Variants in MYT1L observed in about 807,000 individuals in gnomAD.
The protein encoded by MYT1L is myelin transcription factor 1-like protein.
Under a neutral mutation model 126.7 loss-of-function variants are expected in MYT1L, and 12 were observed. That is an observed-to-expected ratio of 0.09 (90% CI 0.06 to 0.15). MYT1L has a LOEUF of 0.15. MYT1L is among the 10% of genes least tolerant of loss of function. The pLI is 1.00. For synonymous variants in MYT1L, 541 were observed against 604.2 expected (o/e 0.90, Z 1.53); for missense variants, 979 against 1,585.2 (o/e 0.62, Z 6.49).
In MYT1L at chr2:1,789,224, A is replaced by G. The variant is rs1030811967; in HGVS notation, c.*2643T>C. 6.6e-6 allele frequency: 1 copy of G among 152,252 alleles called. No homozygotes were observed. The highest frequency in any genetic ancestry group is 2.4e-5 in the African/African-American group (1 of 41,470). The allele number at this position is 152,252 out of a possible 1,614,324, so 9.4% of individuals were successfully genotyped here. A position where few individuals can be genotyped will look rare whatever the true frequency, so the allele number is the denominator to read the frequency against. ...AAAGTTCACAATTTAAAAATGAAGT[A>G]TCACAGCAACTTGTGATTCCACACA... On this transcript the variant is annotated 3_prime_UTR_variant, in exon 25 of 25. Coordinates refer to ENST00000647738, the MANE Select transcript of MYT1L (RefSeq NM_001303052.2).
chr2:1,922,246 A>T lies in MYT1L; in HGVS notation c.1483+40T>A, dbSNP rs1469995548. On this transcript the variant is annotated intron_variant, in intron 10 of 24. Transcript: ENST00000647738. This position sits in a 1 kb window ranked among gnomAD's most constrained non-coding sequence, Gnocchi z 7.4. ...CCACCAACATCCTTTACCCTAGCTC[A>T]TGTTTTCATGAGGCAACTTACGTTA... The T allele has an allele frequency of 6.3e-7, 1 of 1,596,582 alleles. No individual in the cohort carries two copies. The highest frequency in any genetic ancestry group is 8.5e-7 in the Non-Finnish European group (1 of 1,169,954).
chr2:1,955,639 T>C (rs747696413), intron 8 of MYT1L, among the ~76,000 whole-genome samples: 2 of 152,236 alleles, frequency 1.3e-5, no homozygotes, highest in Non-Finnish European at 2.9e-5. Flanking sequence ...GACTTGGTTA[T>C]TATAAAGAGG....
At chr2:2,080,169 G>A (rs531291657) in intron 3 of MYT1L, among the ~76,000 whole-genome samples, 6 of 152,214 alleles carry the variant, frequency 3.9e-5, no homozygotes, top group South Asian at 2.1e-4. Context: ...AAACATGGAC[G>A]CAAAATGTAT....
intron 3 of MYT1L, among the ~76,000 whole-genome samples, chr2:2,123,842 A>G (rs1011281460): frequency 1.3e-5 from 2 of 152,172 alleles, no homozygotes; most frequent in African/African-American, 4.8e-5. Flanking sequence ...GGAAGGCAAG[A>G]GGGTCAGAGA....
In MYT1L at chr2:2,175,044, T is replaced by C. The variant is rs187587460; in HGVS notation, c.-420-2056A>G. On this transcript the variant is annotated intron_variant, in intron 2 of 24. Transcript: ENST00000647738. ...CTTGTGAGGCTCACTCAGACCTCCT[T>C]TCTATGTGTGTTGTATGTTGAGTGT... Among the ~76,000 whole-genome samples, 166 of 152,172 alleles carry C rather than the reference T, an allele frequency of 1.1e-3. 1 individual carries two copies. The highest frequency in any genetic ancestry group is 1.8e-3 in the Non-Finnish European group (123 of 68,032).
chr2:2,235,834 T>A (rs2094283653), intron 2 of MYT1L, among the ~76,000 whole-genome samples: 1 of 152,174 alleles, frequency 6.6e-6, no homozygotes, highest in African/African-American at 2.4e-5. Flanking sequence ...ACTCTTCATT[T>A]CTAATTAAAA....
rs369740502 is a variant in MYT1L, at chr2:1,943,091, C to A, written c.396G>T (p.Glu132Asp). ...EEDEEGDREE[E>D]EEIEEEDEDD... is the part of the protein sequence containing the mutation. ...CCTCATCCTCCTCCTCGATCTCCTC[C>A]TCCTCCTCCCGGTCCCCCTCCTCGT... The change falls in exon 9 of 25, where the codon GAG becomes GAT. Residue 132 changes from glutamate (E) to aspartate (D), a missense_variant. Coordinates refer to ENST00000647738, the MANE Select transcript of MYT1L (RefSeq NM_001303052.2). This position sits in a 1 kb window ranked among gnomAD's most constrained non-coding sequence, Gnocchi z 4.4. 10 of 1,463,202 alleles carry A rather than the reference C, an allele frequency of 6.8e-6. No individual in the cohort carries two copies. In the Admixed American group the frequency reaches 2.0e-4, roughly 29 times the overall value. The allele number at this position is 1,463,202 out of a possible 1,614,324, so 90.6% of individuals were successfully genotyped here.
chr2:1,792,444 G>T lies in MYT1L; in HGVS notation c.3297C>A (p.Asn1099Lys). The part of the protein sequence containing the change: ...LRTQITTMES[N>K]LKTIEEENKV... ...TGTTCTCCTCTTCGATGGTCTTCAG[G>T]TTGCTCTCCATCGTGGTAATCTGAA... The change falls in exon 24 of 25, where the codon AAC (asparagine) becomes AAA (lysine). Residue 1099 changes from asparagine to lysine, a missense_variant. Transcript: ENST00000647738. 1 of 1,613,660 alleles carries T rather than the reference G, an allele frequency of 6.2e-7. No homozygotes were observed. The highest frequency in any genetic ancestry group is 8.5e-7 in the Non-Finnish European group (1 of 1,179,714).
chr2:1,938,936 G>C (rs1209211806), intron 9 of MYT1L, among the ~76,000 whole-genome samples: 2 of 152,186 alleles, frequency 1.3e-5, no homozygotes, highest in Non-Finnish European at 2.9e-5. Context: ...CTGGGGGTTT[G>C]TATACATTTG....
intron 3 of MYT1L, among the ~76,000 whole-genome samples, chr2:2,166,812 T>C (rs183185974): frequency 1.3e-5 from 2 of 152,328 alleles, no homozygotes; most frequent in African/African-American, 4.8e-5. Context: ...ATTTTTTTAG[T>C]TTGTCTATCC....
chr2:2,126,641 G>A (rs1203174224), intron 3 of MYT1L, among the ~76,000 whole-genome samples: 2 of 152,206 alleles, frequency 1.3e-5, no homozygotes, highest in African/African-American at 2.4e-5. Flanking sequence ...GAAGTCTGCT[G>A]CAGGACTCTC....
At chr2:1,877,584 T>G (rs2047067450) in intron 18 of MYT1L, among the ~76,000 whole-genome samples, 1 of 152,134 alleles carries the variant, frequency 6.6e-6, no homozygotes, top group Non-Finnish European at 1.5e-5. Flanking sequence ...TAAGAGTGCA[T>G]GATGAACGCC....
intron 8 of MYT1L, among the ~76,000 whole-genome samples, chr2:1,951,393 G>T (rs1462833717): frequency 6.6e-6 from 1 of 152,068 alleles, no homozygotes; most frequent in African/African-American, 2.4e-5. Flanking sequence ...GGGAGCATGA[G>T]GCTGGCCCAG....
rs2241685 is a variant in MYT1L, at chr2:1,922,221, C to T, written c.1483+65G>A. ...TGAGTCACACTTTAACTGTAGACTA[C>T]CACCAACATCCTTTACCCTAGCTCA... On this transcript the variant is annotated intron_variant, in intron 10 of 24. Transcript: ENST00000647738. The surrounding 1 kb of genome is among the most constrained non-coding windows in gnomAD (Gnocchi z 7.4). The T allele has an allele frequency of 0.11, 170,283 of 1,563,390 alleles. 10,820 individuals are homozygous for T. The highest frequency in any genetic ancestry group is 0.31 in the East Asian group (13,948 of 44,334).
chr2:1,928,201 T>C (rs2054485407), intron 9 of MYT1L, among the ~76,000 whole-genome samples: 1 of 152,180 alleles, frequency 6.6e-6, no homozygotes, highest in Non-Finnish European at 1.5e-5. Context: ...CGGCCTCCCA[T>C]AGTGCTGGAA....
At chr2:2,190,238 C>G (rs997281836) in intron 2 of MYT1L, among the ~76,000 whole-genome samples, 1 of 152,212 alleles carries the variant, frequency 6.6e-6, no homozygotes, top group Non-Finnish European at 1.5e-5. Context: ...AGGCAGATCA[C>G]TTGAGCTCAG....
Position 1,979,025 on chromosome 2 carries a change from G to A in MYT1L, c.152+140C>T. The A allele has an allele frequency of 1.5e-6, 1 of 685,010 alleles. No individual in the cohort carries two copies. Among genetic ancestry groups the A allele is most frequent in the Admixed American group, 2.6e-5 (1 of 38,122 alleles). 42.4% of individuals were successfully genotyped at this position (685,010 alleles called of 1,614,324 possible). On this transcript the variant is annotated intron_variant, in intron 8 of 24. Coordinates refer to ENST00000647738, the MANE Select transcript of MYT1L (RefSeq NM_001303052.2). The surrounding 1 kb of genome is among the most constrained non-coding windows in gnomAD (Gnocchi z 4.0). ...AACCCTTTCAAGAGACAAAGACTGA[G>A]TTCCAGTGTGAGAAGAAAAAGAAGG...
intron 21 of MYT1L, among the ~76,000 whole-genome samples, chr2:1,814,709 C>G (rs1268582375): frequency 6.6e-6 from 1 of 152,142 alleles, no homozygotes. Context: ...CAGTTAAGTT[C>G]TTTAGGGCAG....
intron 10 of MYT1L, among the ~76,000 whole-genome samples, chr2:1,920,308 CAACAA>C (rs2053409885): frequency 6.6e-6 from 1 of 152,116 alleles, no homozygotes; most frequent in Non-Finnish European, 1.5e-5. Context: ...CAAAACAAAA[CAACAA>C]AACAAAAAAC....
Sources: allele counts gnomAD v4.1 joint callset (sites outside exome capture counted in the v4.1 genomes callset), GRCh38; gene constraint gnomAD v4.1.1; non-coding constraint Gnocchi (gnomAD v3.1); transcripts MANE v1.5; gene names NCBI Gene and HGNC (gene_info 2026-07-23, HGNC 2026-07-21).